The following AGTR1 variants were observed in gnomAD, a reference collection of about 807,000 sequenced individuals.
AGTR1 encodes the protein type-1 angiotensin II receptor.
A neutral mutation model predicts 19.4 loss-of-function variants in AGTR1; 16 were observed. That is an observed-to-expected ratio of 0.82 (90% CI 0.56 to 1.25). AGTR1 has a LOEUF of 1.25. Among genes scored for constraint, AGTR1 ranks in the 50% most tolerant of loss-of-function variants. The pLI, the probability that AGTR1 is intolerant of heterozygous loss-of-function variation, is 0.00. For synonymous variants in AGTR1, 153 were observed against 154.9 expected (o/e 0.99, Z 0.09); for missense variants, 373 against 431.9 (o/e 0.86, Z 1.21).
chr3:148,741,180 G>T lies in AGTR1; in HGVS notation c.145G>T (p.Val49Leu), dbSNP rs145575818. Residue 49 changes from valine (V) to leucine (L), a missense_variant, in exon 3 of 3, where the codon GTG becomes TTG. Coordinates refer to ENST00000349243, the MANE Select transcript of AGTR1 (RefSeq NM_000685.5). ...GGTGGGAATATTTGGAAACAGCTTG[G>T]TGGTGATAGTCATTTACTTTTATAT... ...FVVGIFGNSLVVIVIYFYMKL... is the reference protein window; with the variant it reads ...FVVGIFGNSLLVIVIYFYMKL... 8 of 1,614,028 alleles carry T rather than the reference G, an allele frequency of 5.0e-6. No individual in the cohort carries two copies. The highest frequency in any genetic ancestry group is 6.8e-6 in the Non-Finnish European group (8 of 1,180,030).
At chr3:148,729,433 A>G (rs1458655098) in intron 2 of AGTR1, among the ~76,000 whole-genome samples, 1 of 152,314 alleles carries the variant, frequency 6.6e-6, no homozygotes, top group South Asian at 2.1e-4. Flanking sequence ...AAACTGGTGC[A>G]TTATTTTTTG....
chr3:148,705,947 C>T (rs1712643465), intron 1 of AGTR1, among the ~76,000 whole-genome samples: 1 of 151,822 alleles, frequency 6.6e-6, no homozygotes, highest in Non-Finnish European at 1.5e-5. Flanking sequence ...TTTTTAAATG[C>T]ATGCATATCT....
Position 148,738,224 on chromosome 3 carries a change from C to T in AGTR1, c.-47-2765C>T, listed in dbSNP as rs111969230. On this transcript the variant is annotated intron_variant, in intron 2 of 2. Coordinates refer to ENST00000349243, the MANE Select transcript of AGTR1 (RefSeq NM_000685.5). ...TCAGGGCACCCAAGGGATTCTAGAG[C>T]GTAAAGTGTACTCCCTTCTATTTTT... Among the ~76,000 whole-genome samples, 183 of 152,174 alleles carry T rather than the reference C, an allele frequency of 1.2e-3. 1 individual carries two copies. Among genetic ancestry groups the T allele is most frequent in the African/African-American group, 4.1e-3 (170 of 41,514 alleles).
chr3:148,719,626 G>T (rs938658419), intron 2 of AGTR1, among the ~76,000 whole-genome samples: 13 of 152,168 alleles, frequency 8.5e-5, no homozygotes, highest in African/African-American at 3.1e-4. Flanking sequence ...AGTGAGCTCA[G>T]CGATTGGATG....
intron 2 of AGTR1, among the ~76,000 whole-genome samples, chr3:148,726,941 A>C (rs1826361): frequency 0.12 from 18,691 of 152,208 alleles, 3,840 homozygotes; most frequent in African/African-American, 0.43. Context: ...CCACTGATTT[A>C]GCTGGTCTTT....
At chr3:148,732,974 T>G (rs1040740597) in intron 2 of AGTR1, among the ~76,000 whole-genome samples, 1 of 151,680 alleles carries the variant, frequency 6.6e-6, no homozygotes, top group Non-Finnish European at 1.5e-5. Flanking sequence ...TCTCCTGACC[T>G]CGTGATCCGC....
chr3:148,705,174 G>A (rs1008696469), intron 1 of AGTR1, among the ~76,000 whole-genome samples: 3 of 151,782 alleles, frequency 2.0e-5, no homozygotes, highest in African/African-American at 7.3e-5. Flanking sequence ...TCTGCACAAG[G>A]TTTTCTTTTT....
At chr3:148,726,665 A>G (rs1429394850) in intron 2 of AGTR1, among the ~76,000 whole-genome samples, 2 of 151,876 alleles carry the variant, frequency 1.3e-5, no homozygotes, top group Non-Finnish European at 2.9e-5. Context: ...TTTGTACTTT[A>G]TGGGCTTTTT....
At chr3:148,732,730 A>AT (rs778034622) in intron 2 of AGTR1, among the ~76,000 whole-genome samples, 8,561 of 110,032 alleles carry the variant, frequency 0.078, 864 homozygotes, top group Non-Finnish European at 0.095. Flanking sequence ...GCTTCGGAAA[A>AT]TTTTTTTTTT....
At chr3:148,739,833 T>C in intron 2 of AGTR1, 2 of 1,231,764 alleles carry the variant, frequency 1.6e-6, no homozygotes, top group Non-Finnish European at 2.0e-6. Flanking sequence ...TCAGCCATGT[T>C]CATCTGGGGA....
intron 1 of AGTR1, among the ~76,000 whole-genome samples, chr3:148,699,281 A>G (rs1202324714): frequency 2.0e-5 from 3 of 152,114 alleles, no homozygotes; most frequent in African/African-American, 7.2e-5. Context: ...TCCCAACATG[A>G]TTCTCTTATT....
At chr3:148,728,717 C>T (rs998186485) in intron 2 of AGTR1, among the ~76,000 whole-genome samples, 1 of 152,134 alleles carries the variant, frequency 6.6e-6, no homozygotes, top group Non-Finnish European at 1.5e-5. Flanking sequence ...GATTTATAAG[C>T]TTCACCTATC....
Position 148,716,862 on chromosome 3 carries a change from A to C in AGTR1, c.-48+8835A>C, listed in dbSNP as rs996683103. On this transcript the variant is annotated intron_variant, in intron 2 of 2. Coordinates refer to ENST00000349243, the MANE Select transcript of AGTR1 (RefSeq NM_000685.5). The surrounding 1 kb of genome is among the most constrained non-coding windows in gnomAD (Gnocchi z 4.7). ...CTGTCCCTGGTGGACTCTTGTTTCA[A>C]TGCAGTTATTTTGTCTGGTAGAGTC... Among the ~76,000 whole-genome samples, 1 of 152,182 alleles carries C rather than the reference A, an allele frequency of 6.6e-6. No homozygotes were observed. Among genetic ancestry groups the C allele is most frequent in the Non-Finnish European group, 1.5e-5 (1 of 68,028 alleles).
Position 148,742,031 on chromosome 3 carries a change from A to AC in AGTR1, c.996_997insC (p.Lys333GlnfsTer12). On this transcript the variant is annotated frameshift_variant, in exon 3 of 3. Transcript: ENST00000349243. LOFTEE classifies it high-confidence loss of function. ...CCAAATCCCACTCAAACCTTTCAAC[A>AC]AAAATGAGCACGCTTTCCTACCGCC... 6.2e-7 allele frequency: 1 copy of AC among 1,614,054 alleles called. No homozygotes were observed. The highest frequency in any genetic ancestry group is 8.5e-7 in the Non-Finnish European group (1 of 1,180,008).
chr3:148,733,123 G>A (rs558779429), intron 2 of AGTR1, among the ~76,000 whole-genome samples: 14 of 152,248 alleles, frequency 9.2e-5, no homozygotes, highest in African/African-American at 2.6e-4. Context: ...AGGTCACCCA[G>A]CCAGTGAGTG....
Position 148,732,690 on chromosome 3 carries a change from C to G in AGTR1, c.-47-8299C>G, listed in dbSNP as rs565109980. 4.7e-5 allele frequency among the ~76,000 whole-genome samples: 7 copies of G among 150,420 alleles called. No homozygotes were observed. The South Asian group carries it at 1.3e-3, about 27-fold the overall frequency. ...GCCCTTCTCGTCAAATGATGCATACCTGTTCAATGGAAGGATTATAAAAGT... is the reference window on the plus strand; with the variant it reads ...GCCCTTCTCGTCAAATGATGCATACGTGTTCAATGGAAGGATTATAAAAGT... On this transcript the variant is annotated intron_variant, in intron 2 of 2. Transcript: ENST00000349243.
At chr3:148,722,617 C>T (rs1024090167) in intron 2 of AGTR1, among the ~76,000 whole-genome samples, 2 of 152,070 alleles carry the variant, frequency 1.3e-5, no homozygotes, top group African/African-American at 4.8e-5. Context: ...GAACAGATTC[C>T]ACTCCCTTCA....
At chr3:148,739,998 C>T in intron 2 of AGTR1, 1 of 1,226,222 alleles carries the variant, frequency 8.2e-7, no homozygotes, top group Non-Finnish European at 1.0e-6. Flanking sequence ...CTTCCTGGGA[C>T]TTCCTGATGG....
chr3:148,712,980 G>A (rs931490), intron 2 of AGTR1, among the ~76,000 whole-genome samples: 130,972 of 152,076 alleles, frequency 0.86, 56,762 homozygotes, highest in African/African-American at 0.95. Context: ...GACTTCTGCT[G>A]GAATTTAGAT....
Sources: allele counts gnomAD v4.1 joint callset (sites outside exome capture counted in the v4.1 genomes callset), GRCh38; gene constraint gnomAD v4.1.1; non-coding constraint Gnocchi (gnomAD v3.1); transcripts MANE v1.5; gene names NCBI Gene and HGNC (gene_info 2026-07-23, HGNC 2026-07-21).